Variants in TNXB observed in about 807,000 individuals in gnomAD.
The protein encoded by TNXB is tenascin-X.
TNXB carries 183 observed loss-of-function variants against 340.5 expected under a neutral mutation model. The ratio of observed to expected loss-of-function variants is 0.54; its 90% CI spans 0.48 to 0.61. The LOEUF (loss-of-function observed/expected upper bound fraction) is 0.61, where lower values mean the gene tolerates loss of function less well. Ranked by LOEUF, TNXB falls within the 20% of genes least tolerant of loss-of-function variation. The pLI is 0.00. For missense variants in TNXB, 4,613 were observed against 5,446.4 expected, an observed-to-expected ratio of 0.85 and a Z score of 4.82; for synonymous variants, 2,121 against 2,314.5, an observed-to-expected ratio of 0.92 and a Z score of 2.40.
At chr6:32,050,566 G>A (rs988963324) in intron 26 of TNXB, among the ~76,000 whole-genome samples, 4 of 123,052 alleles carry the variant, frequency 3.3e-5, no homozygotes, top group Non-Finnish European at 5.0e-5. Context: ...CTCCAGCACC[G>A]CCTCTCTTTT....
chr6:32,087,421 C>T lies in TNXB; in HGVS notation c.2780-1303G>A, dbSNP rs753840516. 7 of 475,188 alleles carry T rather than the reference C, an allele frequency of 1.5e-5. No homozygotes were observed. Among genetic ancestry groups the T allele is most frequent in the Non-Finnish European group, 2.9e-5 (7 of 238,990 alleles). 29.4% of individuals were successfully genotyped at this position (475,188 alleles called of 1,614,324 possible). A position where few individuals can be genotyped will look rare whatever the true frequency, so the allele number is the denominator to read the frequency against. ...CTCTGCAGGCGGCTGAGGCCGCCAGCGCAGCACCACGCGCTCGAACTGGCC... is the reference window on the plus strand; with the variant it reads ...CTCTGCAGGCGGCTGAGGCCGCCAGTGCAGCACCACGCGCTCGAACTGGCC... On this transcript the variant is annotated intron_variant, in intron 6 of 43. Coordinates refer to ENST00000644971, the MANE Select transcript of TNXB (RefSeq NM_001365276.2). This position sits in a 1 kb window ranked among gnomAD's most constrained non-coding sequence, Gnocchi z 9.0.
In TNXB at chr6:32,046,047, C is replaced by T. The variant is rs948275919; in HGVS notation, c.10606+128G>A. ...CCCACAGGGCTGCAGACTCCTCCTC[C>T]TTCCTGGGGACAGGCCAGGGCGCCC... On this transcript the variant is annotated intron_variant, in intron 31 of 43. Transcript: ENST00000644971. This position sits in a 1 kb window ranked among gnomAD's most constrained non-coding sequence, Gnocchi z 6.9. 36 of 1,437,626 alleles carry T rather than the reference C, an allele frequency of 2.5e-5. No homozygotes were observed. The highest frequency in any genetic ancestry group is 4.3e-5 in the African/African-American group (3 of 70,242). 89.1% of individuals were successfully genotyped at this position (1,437,626 alleles called of 1,614,324 possible). A position where few individuals can be genotyped will look rare whatever the true frequency, so the allele number is the denominator to read the frequency against.
chr6:32,091,897 C>G lies in TNXB; in HGVS notation c.2359-2518G>C, dbSNP rs9391733. Among the ~76,000 whole-genome samples the G allele has an allele frequency of 0.013, 2,006 of 152,296 alleles. 136 individuals carry two copies. In the East Asian group the frequency reaches 0.21, roughly 16 times the overall value. The stretch of plus-strand genomic sequence containing the variant: ...TCTCACCCTCATTGCTGTTTTTAGA[C>G]TAGACCCAAGCAAAAACTTCTCTGA... On this transcript the variant is annotated intron_variant, in intron 4 of 43. Coordinates refer to ENST00000644971, the MANE Select transcript of TNXB (RefSeq NM_001365276.2).
Position 32,069,810 on chromosome 6 carries a change from C to T in TNXB, c.5330G>A (p.Arg1777His), listed in dbSNP as rs767799073. Residue 1777 changes from arginine to histidine, a missense_variant, in exon 15 of 44, where the codon CGT (arginine) becomes CAT (histidine). Around this residue, in one of 7 missense-constraint regions of TNXB, gnomAD observed 4,327 missense variants for 4,859.4 expected, o/e 0.89. Transcript: ENST00000644971. The surrounding 1 kb of genome is among the most constrained non-coding windows in gnomAD (Gnocchi z 6.2). ...GGTCACCTGCAGCTCCTCCCCCAGACGGGGTTTTGGGGGACGCTTTGTTCC... is the reference window on the plus strand; with the variant it reads ...GGTCACCTGCAGCTCCTCCCCCAGATGGGGTTTTGGGGGACGCTTTGTTCC... ...DTGTKRPPKPRLGEELQVTTV... is the reference protein window; with the variant it reads ...DTGTKRPPKPHLGEELQVTTV... 3.4e-5 allele frequency: 54 copies of T among 1,609,622 alleles called. No homozygotes were observed. Among genetic ancestry groups the T allele is most frequent in the Middle Eastern group, 1.6e-4 (1 of 6,076 alleles).
rs747768433 is a variant in TNXB, at chr6:32,078,123, G to GAA, written c.4375+908_4375+909dup. On this transcript the variant is annotated intron_variant, in intron 11 of 43. Coordinates refer to ENST00000644971, the MANE Select transcript of TNXB (RefSeq NM_001365276.2). ...AGAAAGAAAGAAAGAAAGAAAGAAA[G>GAA]AAAGAAAGAAAAAGAGAGAAAGAAG... Among the ~76,000 whole-genome samples the GAA allele has an allele frequency of 7.3e-3, 1,045 of 142,734 alleles. 6 individuals are homozygous for GAA. Among genetic ancestry groups the GAA allele is most frequent in the Admixed American group, 0.022 (316 of 14,070 alleles). The allele number at this position is 142,734 out of a possible 152,430, so 93.6% of individuals were successfully genotyped here. A position where few individuals can be genotyped will look rare whatever the true frequency, so the allele number is the denominator to read the frequency against.
At chr6:32,104,771 G>A (rs1282417696) in intron 1 of TNXB, among the ~76,000 whole-genome samples, 1 of 152,066 alleles carries the variant, frequency 6.6e-6, no homozygotes, top group African/African-American at 2.4e-5. Context: ...GAGTAGTTGG[G>A]ACTACAGGTG....
At position 32,081,633 on chromosome 6, in the gene TNXB, C is replaced by A; in HGVS notation, c.3777G>T (p.Leu1259=). 6.3e-7 allele frequency: 1 copy of A among 1,597,288 alleles called. No individual in the cohort carries two copies. The highest frequency in any genetic ancestry group is 2.2e-5 in the East Asian group (1 of 44,526). ...RKEEPPRPEF[L]EQPLLGELTV... is the part of the protein sequence containing the mutation. ...TCAGTTCCCCCAGGAGGGGCTGCTC[C>A]AGGAACTCAGGGCGGGGGGGCTCCT... Residue 1259 remains leucine (L), a synonymous_variant, in exon 10 of 44, where the codon CTG becomes CTT. Transcript: ENST00000644971. The surrounding 1 kb of genome is among the most constrained non-coding windows in gnomAD (Gnocchi z 5.1).
Position 32,084,458 on chromosome 6 carries a change from C to T in TNXB, c.3400G>A (p.Val1134Ile), listed in dbSNP as rs1381525491. Residue 1134 changes from valine to isoleucine, a missense_variant, in exon 8 of 44, where the codon GTT (valine) becomes ATT (isoleucine). Val to Ile is a conservative substitution (Grantham distance 29, BLOSUM62 3). Transcript: ENST00000644971. This position sits in a 1 kb window ranked among gnomAD's most constrained non-coding sequence, Gnocchi z 5.5. ...RKYKFVLYGF[V>I]GKKRHGPLVA... ...AGCGGACCATGCCTCTTCTTGCCAA[C>T]AAACCCATACAGGACAAATTTGTAC... 1.9e-6 allele frequency: 3 copies of T among 1,600,012 alleles called. No individual in the cohort carries two copies. Among genetic ancestry groups the T allele is most frequent in the Non-Finnish European group, 2.6e-6 (3 of 1,172,428 alleles).
Position 32,079,510 on chromosome 6 carries a change from G to T in TNXB, c.4043-145C>A. 2.8e-6 allele frequency: 2 copies of T among 718,066 alleles called. No individual in the cohort carries two copies. Among genetic ancestry groups the T allele is most frequent in the Non-Finnish European group, 4.5e-6 (2 of 444,480 alleles). The allele number at this position is 718,066 out of a possible 1,614,324, so 44.5% of individuals were successfully genotyped here. On this transcript the variant is annotated intron_variant, in intron 10 of 43. Transcript: ENST00000644971. The surrounding 1 kb of genome is among the most constrained non-coding windows in gnomAD (Gnocchi z 7.1). ...ATTCGGTCACTCACGGATGGAGAAG[G>T]CTGAGACAGCCCTTGCCCCATCCTG...
chr6:32,088,021 T>A (rs1042009016), intron 6 of TNXB: 1 of 284,286 alleles, frequency 3.5e-6, no homozygotes, highest in Non-Finnish European at 6.9e-6. Flanking sequence ...GGAGAACAGG[T>A]CAGTGGCAGC....
Position 32,096,671 on chromosome 6 carries a change from G to A in TNXB, c.1182C>T (p.Tyr394=). ...EDGECICDTG[Y]SGDDCGVRSC... The stretch of plus-strand genomic sequence containing the variant: ...TGCGCACGCCGCAGTCGTCCCCGCT[G>A]TAGCCCGTGTCGCAAATGCATTCGC... The change falls in exon 3 of 44, where the codon TAC becomes TAT. Residue 394 remains tyrosine (Y), a synonymous_variant. Transcript: ENST00000644971. 1 of 1,554,040 alleles carries A rather than the reference G, an allele frequency of 6.4e-7. No homozygotes were observed. Among genetic ancestry groups the A allele is most frequent in the Admixed American group, 1.9e-5 (1 of 52,002 alleles).
chr6:32,057,579 A>G (rs1777742438), intron 22 of TNXB, among the ~76,000 whole-genome samples: 1 of 151,930 alleles, frequency 6.6e-6, no homozygotes, highest in Admixed American at 6.6e-5. Context: ...TCCCTGGGAG[A>G]CCCCAGGCCT....
At chr6:32,050,468 G>A (rs571388558) in intron 26 of TNXB, 147 bp from the exon 27 acceptor site, 10 of 1,118,210 alleles carry the variant, frequency 8.9e-6, no homozygotes, top group East Asian at 5.2e-5. Flanking sequence ...CCTCCCCTGC[G>A]GCCTTTCCTA....
chr6:32,058,387 G>A lies in TNXB; in HGVS notation c.7496C>T (p.Pro2499Leu). Reference sequence around the variant, plus strand: ...GGGGGTCTCGTCCACATCCTCTTGTGGGGCTGAAAGGTAATATAGGGGGAT... The same window carrying A: ...GGGGGTCTCGTCCACATCCTCTTGTAGGGCTGAAAGGTAATATAGGGGGAT... Reference protein sequence around the residue: ...GPVSTVGVTAPQEDVDETPSP... With the variant: ...GPVSTVGVTALQEDVDETPSP... The change falls in exon 22 of 44, where the codon CCA becomes CTA. Residue 2499 changes from proline (P) to leucine (L), a missense_variant. This residue lies in a region of TNXB where 4,327 missense variants were observed against 4,859.4 expected (regional missense o/e 0.89). Transcript: ENST00000644971. The surrounding 1 kb of genome is among the most constrained non-coding windows in gnomAD (Gnocchi z 5.1). 4.4e-6 allele frequency: 7 copies of A among 1,598,738 alleles called. No homozygotes were observed. The highest frequency in any genetic ancestry group is 6.0e-6 in the Non-Finnish European group (7 of 1,173,002).
chr6:32,063,218 T>C (rs1421175161), intron 19 of TNXB, among the ~76,000 whole-genome samples: 1 of 151,836 alleles, frequency 6.6e-6, no homozygotes, highest in Admixed American at 6.6e-5. Flanking sequence ...CGAAATCCTG[T>C]CTGTACTAAA....
chr6:32,061,310 C>T lies in TNXB; in HGVS notation c.7492+87G>A. Reference sequence around the variant, plus strand: ...GCAGGACACAGGAGACAAGTCTGGACCCACAGGGCTTGGTGAAAGGGCACA... The same window carrying T: ...GCAGGACACAGGAGACAAGTCTGGATCCACAGGGCTTGGTGAAAGGGCACA... On this transcript the variant is annotated intron_variant, in intron 21 of 43. Coordinates refer to ENST00000644971, the MANE Select transcript of TNXB (RefSeq NM_001365276.2). The surrounding 1 kb of genome is among the most constrained non-coding windows in gnomAD (Gnocchi z 4.4). 1 of 1,541,132 alleles carries T rather than the reference C, an allele frequency of 6.5e-7. No individual in the cohort carries two copies. The highest frequency in any genetic ancestry group is 8.8e-7 in the Non-Finnish European group (1 of 1,141,566).
Position 32,047,838 on chromosome 6 carries a change from T to A in TNXB, c.10220A>T (p.Glu3407Val). The change falls in exon 30 of 44, where the codon GAG becomes GTG. Residue 3407 changes from glutamate (E) to valine (V), a missense_variant. Glu to Val is a moderately radical substitution (Grantham distance 121). Transcript: ENST00000644971. This position sits in a 1 kb window ranked among gnomAD's most constrained non-coding sequence, Gnocchi z 6.2. ...QVVPVAANQREVTVQGLEPSR... is the reference protein window; with the variant it reads ...QVVPVAANQRVVTVQGLEPSR... ...GGGCTCCAGGCCCTGGACTGTGACC[T>A]CCCGCTGGTTGGCTGCCACCGGCAC... 1.2e-6 allele frequency: 2 copies of A among 1,611,984 alleles called. No homozygotes were observed. Among genetic ancestry groups the A allele is most frequent in the Non-Finnish European group, 1.7e-6 (2 of 1,179,452 alleles).
intron 1 of TNXB, among the ~76,000 whole-genome samples, chr6:32,099,038 C>T (rs77913858): frequency 0.043 from 6,536 of 152,274 alleles, 217 homozygotes; most frequent in East Asian, 0.1. Flanking sequence ...ACAATGGGAG[C>T]TCCTTGAGAA....
rs1241716980 is a variant in TNXB at position 32,056,637 on chromosome 6, C to T, written c.8092G>A (p.Gly2698Ser). ...CCCACGCGCTGGCCACCGTGGAAGC[C>T]GTACAGGTTCATCTTGTATTTATGG... The part of the protein sequence containing the change: ...PDHKYKMNLY[G>S]FHGGQRVGPI... The change falls in exon 23 of 44, where the codon GGC becomes AGC. Residue 2698 changes from glycine (G) to serine (S), a missense_variant. Coordinates refer to ENST00000644971, the MANE Select transcript of TNXB (RefSeq NM_001365276.2). The T allele has an allele frequency of 5.0e-6, 8 of 1,613,002 alleles. No individual in the cohort carries two copies. The highest frequency in any genetic ancestry group is 4.0e-5 in the African/African-American group (3 of 74,944).
Sources: allele counts gnomAD v4.1 joint callset (sites outside exome capture counted in the v4.1 genomes callset), GRCh38; gene constraint gnomAD v4.1.1; regional missense constraint gnomAD v4.1.1; non-coding constraint Gnocchi (gnomAD v3.1); transcripts MANE v1.5; gene names NCBI Gene and HGNC (gene_info 2026-07-23, HGNC 2026-07-21).